CDKL2: variants seen among roughly 807,000 people sequenced by gnomAD.
The protein encoded by CDKL2 is cyclin-dependent kinase-like 2.
Under a neutral mutation model 63.9 loss-of-function variants are expected in CDKL2, and 64 were observed. The ratio of observed to expected loss-of-function variants is 1.00; its 90% CI spans 0.82 to 1.23. CDKL2 has a LOEUF of 1.23. Ranked by LOEUF, CDKL2 falls within the 50% of genes most tolerant of loss-of-function variation. CDKL2 has a pLI of 0.00. For synonymous variants in CDKL2, 211 were observed against 229.2 expected (o/e 0.92, Z 0.72); for missense variants, 656 against 668.0 (o/e 0.98, Z 0.20).
chr4:75,579,543 G>A (rs1029507070), intron 13 of CDKL2, among the ~76,000 whole-genome samples: 5 of 152,066 alleles, frequency 3.3e-5, no homozygotes, highest in Non-Finnish European at 7.4e-5. Flanking sequence ...CGGCATGGTG[G>A]CCCATGCTTG....
chr4:75,603,268 G>C (rs1483046939), intron 6 of CDKL2, among the ~76,000 whole-genome samples: 1 of 150,628 alleles, frequency 6.6e-6, no homozygotes, highest in East Asian at 2.0e-4. Context: ...CCAAAGTGCT[G>C]GGATTACAGG....
intron 2 of CDKL2, among the ~76,000 whole-genome samples, chr4:75,622,389 C>T (rs1231939795): frequency 1.3e-5 from 2 of 151,960 alleles, no homozygotes; most frequent in East Asian, 3.9e-4. Context: ...AAATAATGAT[C>T]AAAAGTGCAA....
intron 13 of CDKL2, among the ~76,000 whole-genome samples, chr4:75,580,886 G>A (rs548956112): frequency 6.6e-6 from 1 of 151,122 alleles, no homozygotes; most frequent in Non-Finnish European, 1.5e-5. Context: ...ATTTTTAGTA[G>A]AGACGGGGTT....
chr4:75,598,085 CA>C lies in CDKL2; in HGVS notation c.1011del (p.Val338TrpfsTer19). ...GAAACATGAACATTTACCTGTACCACAAGTGTTTTTCTTTCTTCAACTAAGG... is the reference window on the plus strand; with the variant it reads ...GAAACATGAACATTTACCTGTACCACAGTGTTTTTCTTTCTTCAACTAAGG... ...DDSLVEERKT[L>X]VVQDTNADPK... On this transcript the variant is annotated frameshift_variant, in exon 8 of 14. Transcript: ENST00000307465. LOFTEE classifies it high-confidence loss of function. 2 of 1,517,798 alleles carry C rather than the reference CA, an allele frequency of 1.3e-6. No individual in the cohort carries two copies. Among genetic ancestry groups the C allele is most frequent in the East Asian group, 2.3e-5 (1 of 42,610 alleles). 94.0% of individuals were successfully genotyped at this position (1,517,798 alleles called of 1,614,324 possible).
In CDKL2 at chr4:75,607,357, A is replaced by G. The variant is rs1173478932; in HGVS notation, c.368T>C (p.Ile123Thr). Residue 123 changes from isoleucine (I) to threonine (T), a missense_variant, in exon 4 of 14, where the codon ATA (isoleucine) becomes ACA (threonine). Transcript: ENST00000307465. Reference sequence around the variant, plus strand: ...ATTCTCTGGCTTTATATCTCTGTGTATGATCTAGACAAGAAGCAGAGTGTG... The same window carrying G: ...ATTCTCTGGCTTTATATCTCTGTGTGTGATCTAGACAAGAAGCAGAGTGTG... The part of the protein sequence containing the change: ...GIGFCHSHNI[I>T]HRDIKPENIL... The G allele has an allele frequency of 1.2e-6, 2 of 1,611,874 alleles. No individual in the cohort carries two copies. Among genetic ancestry groups the G allele is most frequent in the Admixed American group, 3.4e-5 (2 of 59,678 alleles).
At chr4:75,601,801 A>C (rs916756782) in intron 6 of CDKL2, among the ~76,000 whole-genome samples, 2 of 152,204 alleles carry the variant, frequency 1.3e-5, no homozygotes, top group Admixed American at 1.3e-4. Flanking sequence ...TATGTAAAAA[A>C]CTGGAAATGT....
intron 12 of CDKL2, among the ~76,000 whole-genome samples, chr4:75,586,420 G>T (rs1728486078): frequency 6.6e-6 from 1 of 151,748 alleles, no homozygotes; most frequent in Non-Finnish European, 1.5e-5. Flanking sequence ...TAGAGATGGG[G>T]TTTCACCATG....
At chr4:75,624,077 G>A (rs926631106) in intron 2 of CDKL2, among the ~76,000 whole-genome samples, 15 of 147,630 alleles carry the variant, frequency 1.0e-4, no homozygotes, top group Non-Finnish European at 1.8e-4. Flanking sequence ...GTTGCAGTGA[G>A]CCAAGATTAC....
At chr4:75,619,377 A>C (rs1212307445) in intron 2 of CDKL2, among the ~76,000 whole-genome samples, 2 of 152,100 alleles carry the variant, frequency 1.3e-5, no homozygotes, top group African/African-American at 4.8e-5. Context: ...CTCATTGGAA[A>C]TGGCCCAGCA....
At chr4:75,607,091 A>G in intron 4 of CDKL2, 92 bp downstream of exon 4, 1 of 1,051,736 alleles carries the variant, frequency 9.5e-7, no homozygotes, top group Non-Finnish European at 1.4e-6. Context: ...TCCTTTCAGT[A>G]TTAGAGGGAT....
chr4:75,612,768 C>A (rs1319733139), intron 3 of CDKL2, among the ~76,000 whole-genome samples: 1 of 152,186 alleles, frequency 6.6e-6, no homozygotes, highest in African/African-American at 2.4e-5. Context: ...ATTCAGTCTC[C>A]TGAGTTTGGT....
At chr4:75,611,654 T>C (rs1054678150) in intron 3 of CDKL2, among the ~76,000 whole-genome samples, 16 of 136,892 alleles carry the variant, frequency 1.2e-4, no homozygotes, top group East Asian at 1.0e-3. Flanking sequence ...GGGAACCACC[T>C]TTTTTTTTTT....
At chr4:75,610,108 AG>A (rs1181424135) in intron 3 of CDKL2, among the ~76,000 whole-genome samples, 1 of 151,766 alleles carries the variant, frequency 6.6e-6, no homozygotes, top group Non-Finnish European at 1.5e-5. Context: ...AGGCTGAGGC[AG>A]GGAGAATGGC....
At position 75,607,261 on chromosome 4, in the gene CDKL2, C is replaced by G; in HGVS notation, c.464G>C (p.Gly155Ala). The G allele has an allele frequency of 6.2e-7, 1 of 1,614,086 alleles. No individual in the cohort carries two copies. Among genetic ancestry groups the G allele is most frequent in the Non-Finnish European group, 8.5e-7 (1 of 1,179,966 alleles). Reference sequence around the variant, plus strand: ...TGCCACATAATCAGTATAAACCTCCCCAGGAGCTGCCAATGTTCGCGCAAA... The same window carrying G: ...TGCCACATAATCAGTATAAACCTCCGCAGGAGCTGCCAATGTTCGCGCAAA... ...FGFARTLAAP[G>A]EVYTDYVATR... Residue 155 changes from glycine to alanine, a missense_variant, in exon 4 of 14, where the codon GGG (glycine) becomes GCG (alanine). Transcript: ENST00000307465.
Position 75,614,392 on chromosome 4 carries a change from A to C in CDKL2, c.226T>G (p.Trp76Gly), listed in dbSNP as rs1439972316. 1.2e-6 allele frequency: 2 copies of C among 1,601,692 alleles called. No homozygotes were observed. Among genetic ancestry groups the C allele is most frequent in the Non-Finnish European group, 1.7e-6 (2 of 1,172,556 alleles). The stretch of plus-strand genomic sequence containing the variant: ...TCAACAAATTCAAAGACTAGGTACC[A>C]TCGTTTTTTTTTCTTACACACTTCC... ...LLEVCKKKKR[W>G]YLVFEFVDHT... is the part of the protein sequence containing the mutation. Residue 76 changes from tryptophan to glycine, a missense_variant, in exon 3 of 14, where the codon TGG becomes GGG. By Grantham distance (184) the Trp-to-Gly change is radical. Transcript: ENST00000307465.
chr4:75,622,621 G>C (rs1171280457), intron 2 of CDKL2, among the ~76,000 whole-genome samples: 1 of 148,472 alleles, frequency 6.7e-6, no homozygotes, highest in Non-Finnish European at 1.5e-5. Flanking sequence ...GGGAGGCTGA[G>C]GCAGGAGAAT....
At chr4:75,580,091 G>A (rs1182451223) in intron 13 of CDKL2, among the ~76,000 whole-genome samples, 1 of 152,150 alleles carries the variant, frequency 6.6e-6, no homozygotes, top group Non-Finnish European at 1.5e-5. Flanking sequence ...AGCCAACATA[G>A]TGAAACCCCA....
intron 12 of CDKL2, among the ~76,000 whole-genome samples, chr4:75,584,737 C>T (rs889855373): frequency 2.0e-5 from 3 of 152,066 alleles, no homozygotes; most frequent in Non-Finnish European, 2.9e-5. Context: ...CATGGATACA[C>T]GGGACAATGG....
intron 7 of CDKL2, among the ~76,000 whole-genome samples, chr4:75,599,567 A>G (rs954891784): frequency 1.3e-5 from 2 of 151,214 alleles, no homozygotes. Context: ...AAAAAAAAAA[A>G]AAAGAAACTA....
Sources: allele counts gnomAD v4.1 joint callset (sites outside exome capture counted in the v4.1 genomes callset), GRCh38; gene constraint gnomAD v4.1.1; transcripts MANE v1.5; gene names NCBI Gene and HGNC (gene_info 2026-07-23, HGNC 2026-07-21).